Variants in DLGAP2 observed in about 807,000 individuals in gnomAD.
DLGAP2 encodes the protein disks large-associated protein 2.
A neutral mutation model predicts 100.3 loss-of-function variants in DLGAP2; 26 were observed. The ratio of observed to expected loss-of-function variants is 0.26; its 90% confidence interval spans 0.19 to 0.36. The LOEUF (loss-of-function observed/expected upper bound fraction) is 0.36, where lower values mean the gene tolerates loss of function less well. Among genes scored for constraint, DLGAP2 ranks in the 10% least tolerant of loss-of-function variants. The pLI is 1.00. For missense variants in DLGAP2, 1,858 were observed against 1,453.2 expected, an observed-to-expected ratio of 1.28 and a Z score of -4.53; for synonymous variants, 886 against 630.1, an observed-to-expected ratio of 1.41 and a Z score of -6.08.
At chr8:1,644,846 A>G (rs1164778423) in intron 8 of DLGAP2, among the ~76,000 whole-genome samples, 2 of 152,262 alleles carry the variant, frequency 1.3e-5, no homozygotes, top group African/African-American at 2.4e-5. Flanking sequence ...GCATTACATT[A>G]AAAACAAATT....
chr8:989,644 G>A (rs950987313), intron 2 of DLGAP2, among the ~76,000 whole-genome samples: 3 of 152,150 alleles, frequency 2.0e-5, no homozygotes, highest in Non-Finnish European at 4.4e-5. Context: ...TGATATGTAT[G>A]ATTCTGCTCC....
intron 3 of DLGAP2, among the ~76,000 whole-genome samples, chr8:1,327,708 G>T (rs142275184): frequency 1.3e-5 from 2 of 152,012 alleles, no homozygotes; most frequent in Admixed American, 6.6e-5. Flanking sequence ...TCCGGGCGTC[G>T]TGGCGGGCGC....
At chr8:1,350,178 A>G (rs1481143649) in intron 3 of DLGAP2, among the ~76,000 whole-genome samples, 2 of 151,344 alleles carry the variant, frequency 1.3e-5, no homozygotes, top group Admixed American at 1.3e-4. Flanking sequence ...TGTGGCGTGG[A>G]AAGGCCGCGC....
intron 3 of DLGAP2, among the ~76,000 whole-genome samples, chr8:1,343,917 T>TGA (rs1801479659): frequency 1.3e-5 from 2 of 152,112 alleles, no homozygotes; most frequent in African/African-American, 4.8e-5. Context: ...CCCTGCCAGG[T>TGA]GAGGTATATC....
chr8:797,445 C>G (rs990130548), intron 1 of DLGAP2, among the ~76,000 whole-genome samples: 5 of 152,208 alleles, frequency 3.3e-5, no homozygotes, highest in Non-Finnish European at 7.3e-5. Flanking sequence ...TTTCGCCTTT[C>G]CATTCTCTGG....
chr8:1,679,589 A>C (rs1160149687), intron 12 of DLGAP2, among the ~76,000 whole-genome samples: 1 of 152,240 alleles, frequency 6.6e-6, no homozygotes, highest in East Asian at 1.9e-4. Flanking sequence ...GATCTGTCCC[A>C]GTCCCGTTGG....
chr8:1,103,065 C>T (rs957170402), intron 2 of DLGAP2, among the ~76,000 whole-genome samples: 1 of 151,470 alleles, frequency 6.6e-6, no homozygotes. Flanking sequence ...CTGTGGTTTT[C>T]CGGGGTCTTC....
chr8:826,518 G>T (rs1300241443), intron 1 of DLGAP2, among the ~76,000 whole-genome samples: 1 of 152,168 alleles, frequency 6.6e-6, no homozygotes, highest in African/African-American at 2.4e-5. Flanking sequence ...TAGTGTTACA[G>T]AATTTCCCTG....
intron 1 of DLGAP2, among the ~76,000 whole-genome samples, chr8:874,063 C>G (rs919599225): frequency 1.2e-4 from 18 of 152,104 alleles, no homozygotes; most frequent in African/African-American, 4.3e-4. Context: ...TGATACCCCT[C>G]TTTCATCTGA....
chr8:1,193,370 T>A (rs1438557235), intron 2 of DLGAP2, among the ~76,000 whole-genome samples: 2 of 152,230 alleles, frequency 1.3e-5, no homozygotes, highest in Non-Finnish European at 2.9e-5. Flanking sequence ...CCATTCTAAC[T>A]GGTCTGAGAT....
intron 9 of DLGAP2, 131 bp from the exon 10 acceptor site, chr8:1,669,612 G>A (rs2130840667): frequency 1.4e-6 from 1 of 709,444 alleles, no homozygotes; most frequent in East Asian, 2.5e-5. Flanking sequence ...GAGGGTGAGT[G>A]GAGCGTGCTG....
intron 3 of DLGAP2, among the ~76,000 whole-genome samples, chr8:1,379,218 G>A (rs916002402): frequency 4.6e-4 from 70 of 152,336 alleles, no homozygotes; most frequent in African/African-American, 1.6e-3. Flanking sequence ...TCCTGCCTTC[G>A]CAAATTTTAG....
At chr8:1,390,669 G>C (rs997989393) in intron 3 of DLGAP2, among the ~76,000 whole-genome samples, 1 of 152,128 alleles carries the variant, frequency 6.6e-6, no homozygotes, top group Non-Finnish European at 1.5e-5. Context: ...GAGCCGCCAA[G>C]CTCTGATCTG....
chr8:1,459,425 T>C (rs952515700), intron 3 of DLGAP2, among the ~76,000 whole-genome samples: 2 of 152,238 alleles, frequency 1.3e-5, no homozygotes, highest in Non-Finnish European at 2.9e-5. Context: ...TGTCATGATA[T>C]TCATTATCCA....
At chr8:886,443 G>C (rs144980331) in intron 1 of DLGAP2, among the ~76,000 whole-genome samples, 358 of 152,070 alleles carry the variant, frequency 2.4e-3, no homozygotes, top group Non-Finnish European at 3.7e-3. Context: ...TGCCTCTATA[G>C]CTCTTATAAT....
At chr8:871,863 A>G (rs139608647) in intron 1 of DLGAP2, among the ~76,000 whole-genome samples, 1 of 152,284 alleles carries the variant, frequency 6.6e-6, no homozygotes, top group Non-Finnish European at 1.5e-5. Context: ...TGGCATGTAT[A>G]TTAAGTAATT....
At chr8:837,656 T>TTG (rs1388290792) in intron 1 of DLGAP2, among the ~76,000 whole-genome samples, 3 of 132,170 alleles carry the variant, frequency 2.3e-5, no homozygotes, top group South Asian at 2.7e-4. Context: ...AGAAATTTGT[T>TTG]TGTGTGTATG....
At chr8:1,547,733 T>C (rs1801591400) in intron 4 of DLGAP2, among the ~76,000 whole-genome samples, 1 of 152,064 alleles carries the variant, frequency 6.6e-6, no homozygotes, top group South Asian at 2.1e-4. Context: ...CCTCCAGGCA[T>C]TCAGGGAAAG....
chr8:1,084,906 C>T (rs761196388), intron 2 of DLGAP2, among the ~76,000 whole-genome samples: 13 of 152,208 alleles, frequency 8.5e-5, no homozygotes, highest in Non-Finnish European at 1.8e-4. Flanking sequence ...AGTGGGACTG[C>T]TGGATCATTC....
Sources: gnomAD v4.1 joint callset for allele counts (sites outside exome capture counted in the v4.1 genomes callset) on GRCh38, gnomAD v4.1.1 for gene constraint, MANE v1.5 for transcripts, NCBI Gene and HGNC (gene_info 2026-07-23, HGNC 2026-07-21) for gene names.